Variants in FXN observed in about 807,000 individuals in gnomAD.
The protein encoded by FXN is frataxin.
In FXN, 14 loss-of-function variants were observed where a neutral mutation model predicts 22.4. The ratio of observed to expected loss-of-function variants is 0.62; its 90% CI spans 0.41 to 0.98. FXN has a LOEUF of 0.98. Among genes scored for constraint, FXN ranks in the 50% least tolerant of loss-of-function variants. The pLI is 0.00. For missense variants in FXN, 267 were observed against 268.4 expected, an observed-to-expected ratio of 0.99 and a Z score of 0.04; for synonymous variants, 120 against 114.1, an observed-to-expected ratio of 1.05 and a Z score of -0.33.
intron 2 of FXN, among the ~76,000 whole-genome samples, chr9:69,048,084 C>A (rs1383940379): frequency 6.6e-6 from 1 of 152,172 alleles, no homozygotes; most frequent in African/African-American, 2.4e-5. Flanking sequence ...CACTTTCAGG[C>A]AGTCCCATGT....
At chr9:69,058,263 G>A (rs1554761242) in intron 3 of FXN, among the ~76,000 whole-genome samples, 1 of 152,100 alleles carries the variant, frequency 6.6e-6, no homozygotes, top group Non-Finnish European at 1.5e-5. Flanking sequence ...GGTCATTACA[G>A]AAGACACTCT....
At chr9:69,068,103 C>T (rs1832206319) in intron 4 of FXN, among the ~76,000 whole-genome samples, 1 of 152,162 alleles carries the variant, frequency 6.6e-6, no homozygotes, top group Non-Finnish European at 1.5e-5. Context: ...CAGAAGGAAG[C>T]TTGAAATTGG....
chr9:69,070,079 A>G (rs1340669688), intron 4 of FXN, among the ~76,000 whole-genome samples: 1 of 152,022 alleles, frequency 6.6e-6, no homozygotes, highest in African/African-American at 2.4e-5. Flanking sequence ...AAATACAAAA[A>G]TTAGCCGGGT....
intron 4 of FXN, among the ~76,000 whole-genome samples, chr9:69,066,112 G>A (rs1276480283): frequency 6.6e-6 from 1 of 152,214 alleles, no homozygotes; most frequent in Admixed American, 6.5e-5. Context: ...CCTGGCTGCT[G>A]TTGAAGTGGT....
intron 4 of FXN, among the ~76,000 whole-genome samples, chr9:69,070,088 G>A (rs1038869117): frequency 6.6e-6 from 1 of 152,088 alleles, no homozygotes; most frequent in African/African-American, 2.4e-5. Context: ...AATTAGCCGG[G>A]TGTGGTGATG....
At position 69,072,920 on chromosome 9, in the gene FXN, G is replaced by A. The variant is rs1832300258; in HGVS notation, c.*158G>A. The stretch of plus-strand genomic sequence containing the variant: ...TGTGTCACAGCTCTGTAGAAAGAAT[G>A]TGTTGCCTCCTACCTTGCCCCCAAG... On this transcript the variant is annotated 3_prime_UTR_variant, in exon 5 of 5. Transcript: ENST00000484259. 3 of 1,493,164 alleles carry A rather than the reference G, an allele frequency of 2.0e-6. No homozygotes were observed. Among genetic ancestry groups the A allele is most frequent in the Non-Finnish European group, 2.7e-6 (3 of 1,128,130 alleles). 92.5% of individuals were successfully genotyped at this position (1,493,164 alleles called of 1,614,324 possible).
chr9:69,066,092 C>T (rs1587828647), intron 4 of FXN, among the ~76,000 whole-genome samples: 1 of 152,194 alleles, frequency 6.6e-6, no homozygotes, highest in East Asian at 1.9e-4. Flanking sequence ...CATCCCTCAT[C>T]CCTCAGCAGC....
Position 69,075,892 on chromosome 9 carries a change from A to T in FXN, c.*3130A>T. 19 of 562,180 alleles carry T rather than the reference A, an allele frequency of 3.4e-5. No individual in the cohort carries two copies. The highest frequency in any genetic ancestry group is 4.3e-5 in the Non-Finnish European group (19 of 444,186). The allele number at this position is 562,180 out of a possible 1,614,324, so 34.8% of individuals were successfully genotyped here. On this transcript the variant is annotated 3_prime_UTR_variant, in exon 5 of 5. Coordinates refer to ENST00000484259, the MANE Select transcript of FXN (RefSeq NM_000144.5). ...GCTAATTTGTGTATTTTTTGTAGAG[A>T]TGGGGTTTCACCATGTTGCCCAGGC...
intron 4 of FXN, among the ~76,000 whole-genome samples, chr9:69,067,179 C>G (rs925643515): frequency 6.6e-6 from 1 of 152,256 alleles, no homozygotes. Context: ...AGGATGCTGC[C>G]TAACACAGCC....
chr9:69,065,074 T>TA (rs1275967264), intron 4 of FXN, 39 bp downstream of exon 4: 15 of 1,472,858 alleles, frequency 1.0e-5, no homozygotes, highest in Non-Finnish European at 1.4e-5. Context: ...ATGTAATTCT[T>TA]AAAGACTTCC....
chr9:69,046,577 C>A, intron 2 of FXN, 95 bp downstream of exon 2: 1 of 809,574 alleles, frequency 1.2e-6, no homozygotes, highest in Non-Finnish European at 2.1e-6. Context: ...CAGCAACAAT[C>A]TTAGGCATCT....
In FXN at chr9:69,075,724, C is replaced by G; in HGVS notation, c.*2962C>G. The G allele has an allele frequency of 1.0e-6, 1 of 983,824 alleles. No homozygotes were observed. The highest frequency in any genetic ancestry group is 1.2e-6 in the Non-Finnish European group (1 of 828,586). 60.9% of individuals were successfully genotyped at this position (983,824 alleles called of 1,614,324 possible). A position where few individuals can be genotyped will look rare whatever the true frequency, so the allele number is the denominator to read the frequency against. ...AATTGCATAATACAATCTTAGAAAA[C>G]TTTTTTTTCCCCTTTCTATTTTTTG... On this transcript the variant is annotated 3_prime_UTR_variant, in exon 5 of 5. Coordinates refer to ENST00000484259, the MANE Select transcript of FXN (RefSeq NM_000144.5).
At chr9:69,066,810 G>A (rs935885501) in intron 4 of FXN, among the ~76,000 whole-genome samples, 13 of 151,760 alleles carry the variant, frequency 8.6e-5, no homozygotes, top group African/African-American at 3.1e-4. Context: ...TGGGAATTTG[G>A]AAAGATCTGC....
chr9:69,070,248 A>G (rs1832250076), intron 4 of FXN, among the ~76,000 whole-genome samples: 1 of 151,964 alleles, frequency 6.6e-6, no homozygotes, highest in African/African-American at 2.4e-5. Flanking sequence ...AAAAAGAAAG[A>G]AAACGGCCCA....
chr9:69,075,539 A>G lies in FXN; in HGVS notation c.*2777A>G, dbSNP rs745536380. 5 of 985,080 alleles carry G rather than the reference A, an allele frequency of 5.1e-6. No individual in the cohort carries two copies. In the African/African-American group the frequency reaches 8.7e-5, roughly 17 times the overall value. 61.0% of individuals were successfully genotyped at this position (985,080 alleles called of 1,614,324 possible). A position where few individuals can be genotyped will look rare whatever the true frequency, so the allele number is the denominator to read the frequency against. ...GAAGAATCAAAATCATATTCTGTCA[A>G]GCAAACTGGAAAAGTACCACTGTGT... On this transcript the variant is annotated 3_prime_UTR_variant, in exon 5 of 5. Coordinates refer to ENST00000484259, the MANE Select transcript of FXN (RefSeq NM_000144.5).
chr9:69,059,448 G>A (rs1044221787), intron 3 of FXN, among the ~76,000 whole-genome samples: 1 of 124,562 alleles, frequency 8.0e-6, no homozygotes, highest in Non-Finnish European at 1.6e-5. Flanking sequence ...CACCCAGGCT[G>A]GAGTGCAGTG....
intron 4 of FXN, among the ~76,000 whole-genome samples, chr9:69,067,776 C>T (rs1832198395): frequency 6.6e-6 from 1 of 152,174 alleles, no homozygotes; most frequent in Non-Finnish European, 1.5e-5. Flanking sequence ...GAAAATGCTC[C>T]ATTCACCACT....
chr9:69,061,736 C>G (rs1832078417), intron 3 of FXN, among the ~76,000 whole-genome samples: 1 of 128,912 alleles, frequency 7.8e-6, no homozygotes, highest in African/African-American at 2.9e-5. Flanking sequence ...ACCATGTGTT[C>G]TCATTGTTCA....
intron 2 of FXN, among the ~76,000 whole-genome samples, chr9:69,047,334 CAG>C (rs1831774322): frequency 6.7e-6 from 1 of 150,282 alleles, no homozygotes; most frequent in African/African-American, 2.5e-5. Flanking sequence ...CACACAGACA[CAG>C]ACACACACAC....
Sources: allele counts gnomAD v4.1 joint callset (sites outside exome capture counted in the v4.1 genomes callset), GRCh38; gene constraint gnomAD v4.1.1; transcripts MANE v1.5; gene names NCBI Gene and HGNC (gene_info 2026-07-23, HGNC 2026-07-21).